Variants in RANBP2 observed in about 807,000 individuals in gnomAD.
The protein encoded by RANBP2 is RAN binding protein 2.
Under a neutral mutation model 303.6 loss-of-function variants are expected in RANBP2, and 57 were observed. That is an observed-to-expected ratio of 0.19 (90% CI 0.15 to 0.23). The LOEUF is 0.23. Among genes scored for constraint, RANBP2 ranks in the 10% least tolerant of loss-of-function variants. The probability of loss-of-function intolerance (pLI) is 1.00; values close to 1 mark genes in which losing one functional copy is unlikely to be tolerated. For missense variants in RANBP2, 3,138 were observed against 3,780.8 expected (o/e 0.83, Z 4.46); for synonymous variants, 1,167 against 1,301.5 (o/e 0.90, Z 2.23).
At chr2:109,068,651 G>A in the RANBP2 span, among the ~76,000 whole-genome samples, 2 of 152,178 alleles carry the variant, frequency 1.3e-5, no homozygotes, top group Non-Finnish European at 2.9e-5. Context: ...CAACAGAGGG[G>A]AAGAGTGTTG....
chr2:109,127,145 C>T, the RANBP2 span, among the ~76,000 whole-genome samples: 4 of 152,200 alleles, frequency 2.6e-5, no homozygotes, highest in African/African-American at 9.7e-5. Flanking sequence ...ATCCACATTG[C>T]TGAGAGACAT....
the RANBP2 span, among the ~76,000 whole-genome samples, chr2:109,253,233 G>T: frequency 6.6e-6 from 1 of 152,098 alleles, no homozygotes; most frequent in African/African-American, 2.4e-5. Context: ...TCACAAGGCT[G>T]GTCTTGAACT....
chr2:109,642,110 T>C, the RANBP2 span, among the ~76,000 whole-genome samples: 2 of 152,094 alleles, frequency 1.3e-5, no homozygotes, highest in Non-Finnish European at 2.9e-5. Context: ...TGTATTTTAA[T>C]AGAGACAGGG....
the RANBP2 span, among the ~76,000 whole-genome samples, chr2:109,555,817 C>A: frequency 2.0e-5 from 3 of 152,204 alleles, no homozygotes; most frequent in African/African-American, 7.2e-5. Context: ...AGGACGCTCT[C>A]TTCTTCTTCC....
intron 7 of RANBP2, among the ~76,000 whole-genome samples, chr2:108,743,255 A>G (rs546544044): frequency 5.3e-5 from 8 of 152,198 alleles, no homozygotes; most frequent in Admixed American, 1.3e-4. Context: ...GTGAGCTACT[A>G]TGCACAGCCT....
chr2:109,332,746 C>T, the RANBP2 span, among the ~76,000 whole-genome samples: 1 of 152,186 alleles, frequency 6.6e-6, no homozygotes, highest in African/African-American at 2.4e-5. Context: ...GCCACCCCGC[C>T]CCCAGGGTTA....
the RANBP2 span, among the ~76,000 whole-genome samples, chr2:108,956,213 G>T: frequency 6.6e-6 from 1 of 152,064 alleles, no homozygotes; most frequent in African/African-American, 2.4e-5. Flanking sequence ...TGTCCTTCAG[G>T]CTGGTTCCCA....
the RANBP2 span, among the ~76,000 whole-genome samples, chr2:109,628,387 C>A: frequency 1.3e-5 from 2 of 151,820 alleles, no homozygotes; most frequent in Non-Finnish European, 1.5e-5. Flanking sequence ...CTAGCTACTC[C>A]GGAGGCTGAG....
At chr2:109,666,591 G>A in the RANBP2 span, among the ~76,000 whole-genome samples, 1 of 152,136 alleles carries the variant, frequency 6.6e-6, no homozygotes, top group African/African-American at 2.4e-5. Flanking sequence ...GCCCTTGTCT[G>A]TTGTTCAAAT....
chr2:108,855,717 AT>A, the RANBP2 span, among the ~76,000 whole-genome samples: 1 of 152,172 alleles, frequency 6.6e-6, no homozygotes, highest in Non-Finnish European at 1.5e-5. Flanking sequence ...TTTCATATGT[AT>A]TTTCACTTCA....
the RANBP2 span, among the ~76,000 whole-genome samples, chr2:109,059,304 G>GCA: frequency 3.4e-3 from 514 of 152,296 alleles, 19 homozygotes; most frequent in East Asian, 0.092. Flanking sequence ...GGCTGGGCAA[G>GCA]GTGGCTCACG....
chr2:109,253,723 T>C, the RANBP2 span, among the ~76,000 whole-genome samples: 1 of 152,138 alleles, frequency 6.6e-6, no homozygotes, highest in Non-Finnish European at 1.5e-5. Flanking sequence ...ATAGAACAGG[T>C]GGTTATTAAA....
chr2:109,013,883 A>C, the RANBP2 span, among the ~76,000 whole-genome samples: 16 of 152,170 alleles, frequency 1.1e-4, no homozygotes, highest in Non-Finnish European at 1.8e-4. Context: ...GGCCCTTTCC[A>C]ATCATTCTTA....
chr2:109,219,081 C>T, the RANBP2 span, among the ~76,000 whole-genome samples: 63 of 152,136 alleles, frequency 4.1e-4, no homozygotes, highest in Non-Finnish European at 8.4e-4. Flanking sequence ...GGATGGTTCC[C>T]AACTTTCCAT....
the RANBP2 span, among the ~76,000 whole-genome samples, chr2:109,090,842 TTATA>T: frequency 6.6e-6 from 1 of 152,152 alleles, no homozygotes; most frequent in Non-Finnish European, 1.5e-5. Flanking sequence ...CCAGTCAAAC[TTATA>T]TATATCATTG....
chr2:109,390,713 C>T, the RANBP2 span, among the ~76,000 whole-genome samples: 2 of 152,160 alleles, frequency 1.3e-5, no homozygotes, highest in African/African-American at 2.4e-5. Context: ...CATTGACAGC[C>T]GCAGGGCAGC....
At chr2:108,811,226 C>G in the RANBP2 span, among the ~76,000 whole-genome samples, 1 of 130,052 alleles carries the variant, frequency 7.7e-6, no homozygotes, top group Non-Finnish European at 1.6e-5. Context: ...TCTTCTCTCC[C>G]TTTTCTTTCT....
the RANBP2 span, among the ~76,000 whole-genome samples, chr2:109,517,136 T>C: frequency 1.1e-3 from 169 of 152,262 alleles, 1 homozygote; most frequent in African/African-American, 3.9e-3. Context: ...CTGGTGTCCC[T>C]GTACGAGCCT....
the RANBP2 span, among the ~76,000 whole-genome samples, chr2:108,828,934 C>T: frequency 1.6e-4 from 25 of 152,056 alleles, no homozygotes; most frequent in Non-Finnish European, 3.2e-4. Context: ...GCCGAGATCA[C>T]GCCATTGCAC....
Sources: gnomAD v4.1 joint callset for allele counts (sites outside exome capture counted in the v4.1 genomes callset) on GRCh38, gnomAD v4.1.1 for gene constraint, MANE v1.5 for transcripts, NCBI Gene and HGNC (gene_info 2026-07-23, HGNC 2026-07-21) for gene names.